NPR3: variants seen among roughly 807,000 people sequenced by gnomAD.
The protein encoded by NPR3 is atrial natriuretic peptide receptor 3.
NPR3 carries 34 observed loss-of-function variants against 54.5 expected under a neutral mutation model. That is an observed-to-expected ratio of 0.62 (90% CI 0.47 to 0.83). NPR3 has a LOEUF of 0.83. Among genes scored for constraint, NPR3 ranks in the 40% least tolerant of loss-of-function variants. The pLI is 0.00. For missense variants in NPR3, 674 were observed against 720.8 expected (o/e 0.94, Z 0.74); for synonymous variants, 289 against 297.1 (o/e 0.97, Z 0.28).
chr5:32,761,928 G>T (rs1411789816), intron 3 of NPR3, among the ~76,000 whole-genome samples: 1 of 152,004 alleles, frequency 6.6e-6, no homozygotes, highest in Non-Finnish European at 1.5e-5. Flanking sequence ...TTCTCCTAAT[G>T]CTATCCTTCA....
At chr5:32,767,251 GCTTTAGACT>G (rs1412357297) in intron 3 of NPR3, among the ~76,000 whole-genome samples, 4 of 152,210 alleles carry the variant, frequency 2.6e-5, no homozygotes, top group African/African-American at 4.8e-5. Context: ...GGGCAAGCCA[GCTTTAGACT>G]CTTAAAAACT....
chr5:32,751,670 G>A (rs910793227), intron 3 of NPR3, among the ~76,000 whole-genome samples: 1 of 152,140 alleles, frequency 6.6e-6, no homozygotes, highest in Non-Finnish European at 1.5e-5. Flanking sequence ...GTATTGATAG[G>A]GGGGTGGGAT....
At chr5:32,758,507 G>T (rs889058234) in intron 3 of NPR3, among the ~76,000 whole-genome samples, 29 of 151,974 alleles carry the variant, frequency 1.9e-4, no homozygotes, top group African/African-American at 7.0e-4. Flanking sequence ...TTCTTTATTA[G>T]TCTTGCTAGT....
chr5:32,786,380 A>T lies in NPR3; in HGVS notation c.*35A>T. 2.4e-6 allele frequency: 2 copies of T among 830,352 alleles called. No homozygotes were observed. Among genetic ancestry groups the T allele is most frequent in the South Asian group, 3.0e-5 (2 of 67,388 alleles). The allele number at this position is 830,352 out of a possible 1,614,324, so 51.4% of individuals were successfully genotyped here. On this transcript the variant is annotated 3_prime_UTR_variant, in exon 8 of 8. Coordinates refer to ENST00000265074, the MANE Select transcript of NPR3 (RefSeq NM_001204375.2). Reference sequence around the variant, plus strand: ...CCCACTTTTTTTTTTTCTGCCTGAGATTCTTTAAGGAGATAGACGGGTTGA... The same window carrying T: ...CCCACTTTTTTTTTTTCTGCCTGAGTTTCTTTAAGGAGATAGACGGGTTGA...
intron 2 of NPR3, 42 bp from the exon 3 acceptor site, chr5:32,738,822 G>A (rs773028097): frequency 2.3e-5 from 36 of 1,584,106 alleles, no homozygotes; most frequent in African/African-American, 1.4e-5. Context: ...CCTCTTTATG[G>A]TGGCTGGCTT....
At chr5:32,785,358 C>A (rs1415857174) in intron 7 of NPR3, among the ~76,000 whole-genome samples, 2 of 151,890 alleles carry the variant, frequency 1.3e-5, no homozygotes, top group African/African-American at 2.4e-5. Context: ...ACCATGTTGG[C>A]CAGGTTGGTC....
At chr5:32,736,553 A>G (rs973192464) in intron 2 of NPR3, among the ~76,000 whole-genome samples, 1 of 152,208 alleles carries the variant, frequency 6.6e-6, no homozygotes, top group African/African-American at 2.4e-5. Flanking sequence ...AAAATGAATC[A>G]ATAACTATTT....
upstream of NPR3, among the ~76,000 whole-genome samples, chr5:32,706,740 C>T (rs1188991309): frequency 6.6e-6 from 1 of 152,182 alleles, no homozygotes; most frequent in South Asian, 2.1e-4. Context: ...TCTGACTTCT[C>T]TTTGTTTCCT....
chr5:32,713,029 C>T (rs567705082), intron 1 of NPR3: 1 of 356,900 alleles, frequency 2.8e-6, no homozygotes, highest in African/African-American at 2.2e-5. Context: ...CTCGCCCGCT[C>T]TTGGGGTTTC....
chr5:32,728,264 A>T (rs568925496), intron 2 of NPR3, among the ~76,000 whole-genome samples: 52 of 152,188 alleles, frequency 3.4e-4, no homozygotes, highest in Non-Finnish European at 6.2e-4. Flanking sequence ...GGAGTTCAAG[A>T]CCAGCCTGGC....
At chr5:32,737,805 C>G (rs1739827663) in intron 2 of NPR3, among the ~76,000 whole-genome samples, 1 of 152,130 alleles carries the variant, frequency 6.6e-6, no homozygotes, top group African/African-American at 2.4e-5. Flanking sequence ...TACCTAGCTT[C>G]TCAATGCATC....
intron 3 of NPR3, among the ~76,000 whole-genome samples, chr5:32,769,444 C>A (rs557294846): frequency 3.3e-5 from 5 of 152,164 alleles, no homozygotes; most frequent in African/African-American, 4.8e-5. Context: ...TGATGAGGGA[C>A]AAGCCTATGA....
At chr5:32,702,055 C>G (rs1246004673) in intron 1 of NPR3, among the ~76,000 whole-genome samples, 1 of 152,024 alleles carries the variant, frequency 6.6e-6, no homozygotes, top group East Asian at 1.9e-4. Context: ...CACTCAAGGC[C>G]CTGAGGCTCT....
intron 2 of NPR3, among the ~76,000 whole-genome samples, chr5:32,728,342 A>C (rs577676702): frequency 6.6e-6 from 1 of 152,234 alleles, no homozygotes; most frequent in South Asian, 2.1e-4. Flanking sequence ...GTGTGCCTAT[A>C]ATCCCAGCTA....
upstream of NPR3, chr5:32,710,706 T>C (rs1738163387): frequency 5.2e-6 from 8 of 1,546,984 alleles, no homozygotes; most frequent in Non-Finnish European, 6.1e-6. Context: ...TTCCCTGACC[T>C]TGCGCCGAGG....
intron 3 of NPR3, among the ~76,000 whole-genome samples, chr5:32,752,012 G>A (rs1404336091): frequency 6.6e-6 from 1 of 152,094 alleles, no homozygotes; most frequent in Non-Finnish European, 1.5e-5. Context: ...GACCAGCCTG[G>A]CCAACATAGT....
chr5:32,753,987 AG>A, intron 3 of NPR3, among the ~76,000 whole-genome samples: 1 of 152,296 alleles, frequency 6.6e-6, no homozygotes, highest in South Asian at 2.1e-4. Flanking sequence ...GGACCCAGAA[AG>A]GCATGCTCAT....
intron 1 of NPR3, among the ~76,000 whole-genome samples, chr5:32,704,216 G>T (rs1737923240): frequency 6.6e-6 from 1 of 152,124 alleles, no homozygotes; most frequent in South Asian, 2.1e-4. Flanking sequence ...ACACCACATG[G>T]CTGCTGCTGG....
chr5:32,699,707 G>A (rs1020953961), intron 1 of NPR3, among the ~76,000 whole-genome samples: 7 of 152,060 alleles, frequency 4.6e-5, no homozygotes, highest in African/African-American at 1.7e-4. Flanking sequence ...CATTCTACTC[G>A]ACATGAGTAG....
Sources: gnomAD v4.1 joint callset for allele counts (sites outside exome capture counted in the v4.1 genomes callset) on GRCh38, gnomAD v4.1.1 for gene constraint, MANE v1.5 for transcripts, NCBI Gene and HGNC (gene_info 2026-07-23, HGNC 2026-07-21) for gene names.